The following CD200R1 variants were observed in gnomAD, a reference collection of about 807,000 sequenced individuals.
The protein encoded by CD200R1 is cell surface glycoprotein CD200 receptor 1.
Under a neutral mutation model 38.1 loss-of-function variants are expected in CD200R1, and 30 were observed. That is an observed-to-expected ratio of 0.79 (90% confidence interval 0.59 to 1.07). The LOEUF (loss-of-function observed/expected upper bound fraction) is 1.07. Among genes scored for constraint, CD200R1 ranks in the 50% least tolerant of loss-of-function variants. CD200R1 has a pLI of 0.00. For missense variants in CD200R1, 372 were observed against 415.4 expected (o/e 0.90, Z 0.91); for synonymous variants, 128 against 152.1 (o/e 0.84, Z 1.16).
intron 1 of CD200R1, among the ~76,000 whole-genome samples, chr3:112,960,133 C>G (rs1576150781): frequency 6.6e-6 from 1 of 152,000 alleles, no homozygotes; most frequent in East Asian, 1.9e-4. Flanking sequence ...TTCAGAAATT[C>G]AAATTAGGCT....
chr3:112,949,916 G>A (rs1021547272), intron 1 of CD200R1, among the ~76,000 whole-genome samples: 2 of 152,288 alleles, frequency 1.3e-5, no homozygotes, highest in South Asian at 2.1e-4. Flanking sequence ...TCCCTGGCAC[G>A]TGGCTAGATG....
intron 2 of CD200R1, among the ~76,000 whole-genome samples, chr3:112,939,305 A>T (rs1940661097): frequency 6.6e-6 from 1 of 152,010 alleles, no homozygotes. Context: ...AAATAAGTAA[A>T]GTACATCCAA....
intron 1 of CD200R1, among the ~76,000 whole-genome samples, chr3:112,974,299 T>C (rs1933385972): frequency 1.3e-5 from 2 of 151,966 alleles, no homozygotes; most frequent in African/African-American, 4.8e-5. Context: ...TAGCCAAGCA[T>C]AGTGGCGCAT....
In CD200R1 at chr3:112,928,869, C is replaced by A; in HGVS notation, c.716G>T (p.Cys239Phe). 2 of 1,613,848 alleles carry A rather than the reference C, an allele frequency of 1.2e-6. No individual in the cohort carries two copies. Among genetic ancestry groups the A allele is most frequent in the Non-Finnish European group, 1.7e-6 (2 of 1,179,958 alleles). The change falls in exon 5 of 8, where the codon TGC becomes TTC. Residue 239 changes from cysteine (C) to phenylalanine (F), a missense_variant. By Grantham distance (205) the Cys-to-Phe change is radical. Coordinates refer to ENST00000308611, the MANE Select transcript of CD200R1 (RefSeq NM_138806.4). ...WEVHNVSTVT[C>F]HVSHLTGNKS... is the part of the protein sequence containing the mutation. ...GTTGCCAGTCAAATGGGAGACGTGG[C>A]AGGTCACGGTAGACACATTGTGGAC...
intron 1 of CD200R1, among the ~76,000 whole-genome samples, chr3:112,956,790 C>T (rs1475265141): frequency 6.6e-6 from 1 of 152,174 alleles, no homozygotes; most frequent in Non-Finnish European, 1.5e-5. Context: ...GCTGGAATCC[C>T]TTGGCCACGA....
chr3:112,942,471 A>G (rs1035782220), intron 2 of CD200R1, among the ~76,000 whole-genome samples: 1 of 151,760 alleles, frequency 6.6e-6, no homozygotes, highest in Non-Finnish European at 1.5e-5. Context: ...TATAACTAAT[A>G]TGCTAAGGAG....
At chr3:112,933,497 G>A (rs1940504401) in intron 2 of CD200R1, among the ~76,000 whole-genome samples, 1 of 152,124 alleles carries the variant, frequency 6.6e-6, no homozygotes, top group Admixed American at 6.5e-5. Context: ...TTTTTCTTAA[G>A]AAGCCTACAC....
Position 112,928,814 on chromosome 3 carries a change from A to G in CD200R1, c.769+2T>C. On this transcript the variant is annotated splice_donor_variant, in intron 5 of 7. Coordinates refer to ENST00000308611, the MANE Select transcript of CD200R1 (RefSeq NM_138806.4). LOFTEE classifies it high-confidence loss of function. Reference sequence around the variant, plus strand: ...AAAAATAAAACTAAAAGAATTACTGACCAGGAAGTAGCTCTATGTACAGAC... The same window carrying G: ...AAAAATAAAACTAAAAGAATTACTGGCCAGGAAGTAGCTCTATGTACAGAC... The G allele has an allele frequency of 6.3e-7, 1 of 1,598,422 alleles. No individual in the cohort carries two copies. Among genetic ancestry groups the G allele is most frequent in the South Asian group, 1.1e-5 (1 of 89,170 alleles).
At chr3:112,939,514 CA>C (rs1440492994) in intron 2 of CD200R1, among the ~76,000 whole-genome samples, 1 of 151,566 alleles carries the variant, frequency 6.6e-6, no homozygotes, top group Non-Finnish European at 1.5e-5. Flanking sequence ...ATCATGAAAG[CA>C]ATCCCATTTA....
chr3:112,943,427 T>G (rs1940771687), intron 2 of CD200R1, among the ~76,000 whole-genome samples: 1 of 151,660 alleles, frequency 6.6e-6, no homozygotes, highest in African/African-American at 2.4e-5. Flanking sequence ...TATTTTTAAA[T>G]AAATGAAAAT....
chr3:112,931,266 G>A (rs1940429968), intron 2 of CD200R1, 95 bp from the exon 3 acceptor site: 2 of 703,400 alleles, frequency 2.8e-6, no homozygotes, highest in East Asian at 2.8e-5. Flanking sequence ...AACATGATAG[G>A]CAATCAGTTA....
In CD200R1 at chr3:112,974,475, C is replaced by T. The variant is rs958558493; in HGVS notation, c.67+316G>A. 2.0e-5 allele frequency among the ~76,000 whole-genome samples: 3 copies of T among 151,940 alleles called. No homozygotes were observed. In the East Asian group the frequency reaches 5.8e-4, roughly 29 times the overall value. On this transcript the variant is annotated intron_variant, in intron 1 of 7. Coordinates refer to ENST00000308611, the MANE Select transcript of CD200R1 (RefSeq NM_138806.4). ...GGGAAGAGAATAAGATAAAGAGAAC[C>T]TAACTGACTTTGATTGCTGCTAGTA... is the stretch of plus-strand genomic sequence containing the variant.
intron 1 of CD200R1, among the ~76,000 whole-genome samples, chr3:112,965,624 A>G (rs745526809): frequency 3.3e-5 from 5 of 152,068 alleles, no homozygotes; most frequent in Non-Finnish European, 5.9e-5. Flanking sequence ...AGCTGGGCAC[A>G]GTGGCGCACG....
At position 112,929,173 on chromosome 3, in the gene CD200R1, T is replaced by C. The variant is rs1449236090; in HGVS notation, c.520+17A>G. ...AATCTGGTGATGTGAAATACCTCAATATATGATGCTCCTTACCTAACACTT... is the reference window on the plus strand; with the variant it reads ...AATCTGGTGATGTGAAATACCTCAACATATGATGCTCCTTACCTAACACTT... On this transcript the variant is annotated intron_variant, in intron 4 of 7. Coordinates refer to ENST00000308611, the MANE Select transcript of CD200R1 (RefSeq NM_138806.4). 6.2e-7 allele frequency: 1 copy of C among 1,613,982 alleles called. No homozygotes were observed. The highest frequency in any genetic ancestry group is 8.5e-7 in the Non-Finnish European group (1 of 1,179,984).
At chr3:112,963,591 G>T (rs1434711247) in intron 1 of CD200R1, among the ~76,000 whole-genome samples, 3 of 152,158 alleles carry the variant, frequency 2.0e-5, no homozygotes, top group South Asian at 2.1e-4. Context: ...TCTGGTAGAA[G>T]AAATTTCTAA....
chr3:112,928,569 C>T (rs1335679877), intron 5 of CD200R1, among the ~76,000 whole-genome samples: 1 of 151,774 alleles, frequency 6.6e-6, no homozygotes, highest in Non-Finnish European at 1.5e-5. Flanking sequence ...ACTACTCATG[C>T]TAATTAACTA....
intron 2 of CD200R1, among the ~76,000 whole-genome samples, chr3:112,942,642 A>G (rs547610884): frequency 6.6e-6 from 1 of 151,768 alleles, no homozygotes; most frequent in Admixed American, 6.6e-5. Flanking sequence ...TTGAACATCA[A>G]TGGTCTGAAT....
rs187910136 is a variant in CD200R1 at position 112,974,925 on chromosome 3, C to T, written c.-68G>A. ...CCACACAGGTACAGAAGGAACTGTG[C>T]GCATGGTGAGACCCTCTCTGGTCAA... On this transcript the variant is annotated 5_prime_UTR_variant, in exon 1 of 8. Transcript: ENST00000308611. 685 of 1,259,376 alleles carry T rather than the reference C, an allele frequency of 5.4e-4. No individual in the cohort carries two copies. Among genetic ancestry groups the T allele is most frequent in the African/African-American group, 1.7e-3 (116 of 67,790 alleles). The allele number at this position is 1,259,376 out of a possible 1,614,324, so 78.0% of individuals were successfully genotyped here. A position where few individuals can be genotyped will look rare whatever the true frequency, so the allele number is the denominator to read the frequency against.
At chr3:112,940,840 A>G (rs1400420185) in intron 2 of CD200R1, among the ~76,000 whole-genome samples, 2 of 151,812 alleles carry the variant, frequency 1.3e-5, no homozygotes, top group African/African-American at 2.4e-5. Flanking sequence ...TTAAAGAAAT[A>G]TCTATCTGCA....
Sources: gnomAD v4.1 joint callset for allele counts (sites outside exome capture counted in the v4.1 genomes callset) on GRCh38, gnomAD v4.1.1 for gene constraint, MANE v1.5 for transcripts, NCBI Gene and HGNC (gene_info 2026-07-23, HGNC 2026-07-21) for gene names.